QTMAN: variants seen among roughly 807,000 people sequenced by gnomAD.
The protein encoded by QTMAN is tRNA-queuosine alpha-mannosyltransferase.
the QTMAN span, among the ~76,000 whole-genome samples, chr2:144,186,002 A>G: frequency 6.6e-6 from 1 of 152,336 alleles, no homozygotes; most frequent in Admixed American, 6.5e-5. Flanking sequence ...CAAATGAAGA[A>G]AAGTCAGTGC....
chr2:144,319,740 TTTTGGCTCTCTG>T, the QTMAN span: 1 of 152,146 alleles, frequency 6.6e-6, no homozygotes, highest in Non-Finnish European at 1.5e-5. Flanking sequence ...CAGTAACGGA[TTTTGGCTCTCTG>T]TGCATAATAG....
the QTMAN span, among the ~76,000 whole-genome samples, chr2:144,308,328 G>A: frequency 2.6e-5 from 4 of 151,990 alleles, no homozygotes; most frequent in Admixed American, 2.6e-4. Context: ...CACCACAGCA[G>A]GCTAATTTTT....
chr2:144,133,143 A>T, the QTMAN span, among the ~76,000 whole-genome samples: 3,083 of 62,570 alleles, frequency 0.049, 346 homozygotes, highest in African/African-American at 0.2. Context: ...ATATATATAT[A>T]TATATATAAT....
At chr2:144,007,217 C>T in the QTMAN span, 1 of 1,607,336 alleles carries the variant, frequency 6.2e-7, no homozygotes, top group African/African-American at 1.3e-5. Context: ...GCAGTCTTTG[C>T]TGATTATCAA....
the QTMAN span, chr2:143,947,024 C>A: frequency 6.6e-7 from 1 of 1,504,344 alleles, no homozygotes; most frequent in Non-Finnish European, 9.3e-7. Flanking sequence ...CTGCCTTAGG[C>A]TGCAAGTTTG....
the QTMAN span, among the ~76,000 whole-genome samples, chr2:144,201,213 C>T: frequency 3.2e-4 from 48 of 152,240 alleles, no homozygotes; most frequent in African/African-American, 1.2e-3. Flanking sequence ...AAAGGACTCT[C>T]TGAAATGACG....
At chr2:144,096,310 A>T in the QTMAN span, among the ~76,000 whole-genome samples, 6 of 152,374 alleles carry the variant, frequency 3.9e-5, no homozygotes, top group African/African-American at 1.4e-4. Flanking sequence ...ATCTAGATCA[A>T]TAGTGAAGAT....
At chr2:144,257,756 T>A in the QTMAN span, among the ~76,000 whole-genome samples, 1 of 152,144 alleles carries the variant, frequency 6.6e-6, no homozygotes, top group Non-Finnish European at 1.5e-5. Flanking sequence ...AAATTGATCC[T>A]ATTCAAAAAT....
At chr2:144,020,470 G>T in the QTMAN span, among the ~76,000 whole-genome samples, 1 of 152,222 alleles carries the variant, frequency 6.6e-6, no homozygotes, top group Non-Finnish European at 1.5e-5. Flanking sequence ...CCAGGATACA[G>T]AAAACCCTCT....
the QTMAN span, chr2:144,007,094 A>C: frequency 1.3e-6 from 1 of 781,470 alleles, no homozygotes; most frequent in Non-Finnish European, 2.0e-6. Flanking sequence ...TAAAGCAATA[A>C]GAAGAACAAA....
chr2:143,977,040 T>A, the QTMAN span, among the ~76,000 whole-genome samples: 9 of 152,186 alleles, frequency 5.9e-5, no homozygotes, highest in Non-Finnish European at 1.2e-4. Context: ...GAGTCTGTTG[T>A]GAGGAATGAA....
the QTMAN span, among the ~76,000 whole-genome samples, chr2:144,154,845 T>C: frequency 6.6e-6 from 1 of 152,218 alleles, no homozygotes; most frequent in Non-Finnish European, 1.5e-5. Context: ...AAAGTTCCAT[T>C]AGGACAGGTC....
At chr2:144,004,834 G>C in the QTMAN span, among the ~76,000 whole-genome samples, 1 of 151,962 alleles carries the variant, frequency 6.6e-6, no homozygotes, top group Non-Finnish European at 1.5e-5. Context: ...TGTCAGCACA[G>C]GTTACACACT....
chr2:143,997,382 T>C, the QTMAN span, among the ~76,000 whole-genome samples: 10 of 152,166 alleles, frequency 6.6e-5, no homozygotes, highest in African/African-American at 2.4e-4. Flanking sequence ...ATAGAATGTT[T>C]ACAAATCACT....
the QTMAN span, among the ~76,000 whole-genome samples, chr2:144,221,566 CT>C: frequency 6.6e-6 from 1 of 152,160 alleles, no homozygotes; most frequent in East Asian, 1.9e-4. Context: ...TTGTTTTCCT[CT>C]TTGTGCTTCA....
At chr2:144,091,009 C>T in the QTMAN span, among the ~76,000 whole-genome samples, 120 of 151,792 alleles carry the variant, frequency 7.9e-4, 1 homozygote, top group African/African-American at 2.7e-3. Flanking sequence ...AATAGATCAA[C>T]GGAACAGAAT....
chr2:144,169,504 T>C, the QTMAN span, among the ~76,000 whole-genome samples: 1 of 152,146 alleles, frequency 6.6e-6, no homozygotes, highest in Non-Finnish European at 1.5e-5. Flanking sequence ...ATCTAAATAT[T>C]ACCTCTTATG....
chr2:144,228,897 G>A, the QTMAN span, among the ~76,000 whole-genome samples: 4 of 152,262 alleles, frequency 2.6e-5, no homozygotes, highest in Non-Finnish European at 5.9e-5. Context: ...GGCGGAGGTT[G>A]TGGTGAGCCA....
chr2:144,024,466 T>C, the QTMAN span, among the ~76,000 whole-genome samples: 1 of 152,210 alleles, frequency 6.6e-6, no homozygotes, highest in African/African-American at 2.4e-5. Flanking sequence ...AGTTTGAGTA[T>C]GTTTTATTTA....
Sources: allele counts gnomAD v4.1 joint callset (sites outside exome capture counted in the v4.1 genomes callset), GRCh38; gene constraint gnomAD v4.1.1; transcripts MANE v1.5; gene names NCBI Gene and HGNC (gene_info 2026-07-23, HGNC 2026-07-21).